Variants in HACD2 observed in about 807,000 individuals in gnomAD.
HACD2 encodes 3-hydroxyacyl-CoA dehydratase 2, also known as very-long-chain (3R)-3-hydroxyacyl-CoA dehydratase 2.
Under a neutral mutation model 31.0 loss-of-function variants are expected in HACD2, and 15 were observed. The observed-to-expected ratio is 0.48, with a 90% CI of 0.32 to 0.75. The LOEUF is 0.75. Among genes scored for constraint, HACD2 ranks in the 30% least tolerant of loss-of-function variants. The pLI is 0.03. For missense variants in HACD2, 283 were observed against 313.0 expected (o/e 0.90, Z 0.72); for synonymous variants, 115 against 122.2 (o/e 0.94, Z 0.39).
intron 3 of HACD2, among the ~76,000 whole-genome samples, chr3:123,542,231 G>T (rs1328066334): frequency 6.0e-5 from 9 of 150,228 alleles, no homozygotes; most frequent in Non-Finnish European, 4.4e-5. Flanking sequence ...ATGAGCAAAG[G>T]GCATAAATAG....
chr3:123,563,364 C>T (rs1000917206), intron 3 of HACD2, among the ~76,000 whole-genome samples: 2 of 152,090 alleles, frequency 1.3e-5, no homozygotes, highest in African/African-American at 4.8e-5. Flanking sequence ...CTGGGCACAG[C>T]GCAGATGAGC....
intron 4 of HACD2, among the ~76,000 whole-genome samples, chr3:123,511,506 A>G (rs918129022): frequency 5.3e-5 from 8 of 152,332 alleles, no homozygotes; most frequent in Non-Finnish European, 1.0e-4. Flanking sequence ...TAGTCCTCCA[A>G]TAAATGTTGC....
At chr3:123,577,149 T>C (rs1348385612) in intron 2 of HACD2, among the ~76,000 whole-genome samples, 1 of 152,124 alleles carries the variant, frequency 6.6e-6, no homozygotes, top group South Asian at 2.1e-4. Context: ...AAAAGGGAAT[T>C]CCTGTGGTCC....
At chr3:123,526,696 T>C (rs1372224007) in intron 4 of HACD2, among the ~76,000 whole-genome samples, 1 of 152,190 alleles carries the variant, frequency 6.6e-6, no homozygotes, top group Non-Finnish European at 1.5e-5. Context: ...CTGTTATATG[T>C]TAAGTCCTTT....
At chr3:123,524,721 G>C (rs1414230837) in intron 4 of HACD2, among the ~76,000 whole-genome samples, 1 of 152,018 alleles carries the variant, frequency 6.6e-6, no homozygotes, top group Non-Finnish European at 1.5e-5. Flanking sequence ...GCCCCAGCTG[G>C]TGTTGAACTC....
intron 4 of HACD2, among the ~76,000 whole-genome samples, chr3:123,509,556 T>G (rs1576734748): frequency 6.7e-6 from 1 of 149,174 alleles, no homozygotes. Context: ...TGGAGTGCAG[T>G]GGCGTGATCT....
At chr3:123,535,383 T>C (rs574685018) in intron 3 of HACD2, among the ~76,000 whole-genome samples, 6 of 152,272 alleles carry the variant, frequency 3.9e-5, no homozygotes, top group African/African-American at 1.4e-4. Flanking sequence ...AGAATCTCCC[T>C]AACCAAATAC....
In HACD2 at chr3:123,506,075, C is replaced by T. The variant is rs190886356; in HGVS notation, c.382-3394G>A. 1.0e-3 allele frequency among the ~76,000 whole-genome samples: 152 copies of T among 152,342 alleles called. 1 individual carries two copies. Among genetic ancestry groups the T allele is most frequent in the Non-Finnish European group, 1.8e-3 (120 of 68,034 alleles). ...ATCCCTCCACAGGCAAGGCGTGAAA[C>T]GCTGGCTAATACTGACTTCCTTGCA... On this transcript the variant is annotated intron_variant, in intron 4 of 6. Coordinates refer to ENST00000383657, the MANE Select transcript of HACD2 (RefSeq NM_198402.5).
chr3:123,499,748 G>A lies in HACD2; in HGVS notation c.682+767C>T, dbSNP rs557273314. The A allele has an allele frequency of 3.9e-5, 16 of 410,544 alleles. No individual in the cohort carries two copies. In the East Asian group the frequency reaches 5.7e-4, roughly 15 times the overall value. The allele number at this position is 410,544 out of a possible 1,614,324, so 25.4% of individuals were successfully genotyped here. A position where few individuals can be genotyped will look rare whatever the true frequency, so the allele number is the denominator to read the frequency against. On this transcript the variant is annotated intron_variant, in intron 6 of 6. Coordinates refer to ENST00000383657, the MANE Select transcript of HACD2 (RefSeq NM_198402.5). Reference sequence around the variant, plus strand: ...AGAAGAACCACTAACACTGTATGTCGTTGGTTATAAGAAGATCTTTTGGTA... The same window carrying A: ...AGAAGAACCACTAACACTGTATGTCATTGGTTATAAGAAGATCTTTTGGTA...
chr3:123,570,917 T>TACAC (rs149856963), intron 2 of HACD2, among the ~76,000 whole-genome samples: 2,634 of 144,842 alleles, frequency 0.018, 79 homozygotes, highest in African/African-American at 0.061. Flanking sequence ...TTCATACCAT[T>TACAC]ACACACACAC....
At chr3:123,559,917 G>A (rs1442510876) in intron 3 of HACD2, among the ~76,000 whole-genome samples, 1 of 152,118 alleles carries the variant, frequency 6.6e-6, no homozygotes, top group Non-Finnish European at 1.5e-5. Flanking sequence ...TGTATACCTG[G>A]GTAAGTCTTC....
chr3:123,498,403 C>G (rs1479000305), intron 6 of HACD2, among the ~76,000 whole-genome samples: 3 of 152,192 alleles, frequency 2.0e-5, no homozygotes, highest in South Asian at 2.1e-4. Flanking sequence ...TCCTTCCCTA[C>G]TCTCTGAAAG....
rs897571177 is a variant in HACD2, at chr3:123,494,276, G to A, written c.*612C>T. 1.3e-5 allele frequency: 2 copies of A among 152,786 alleles called. No individual in the cohort carries two copies. The highest frequency in any genetic ancestry group is 4.8e-5 in the African/African-American group (2 of 41,450). 9.5% of individuals were successfully genotyped at this position (152,786 alleles called of 1,614,324 possible). ...ATGACTCAATTGGAAACAAACAAAA[G>A]GGTTCTAAGTTGTTTTCTGATTACA... On this transcript the variant is annotated 3_prime_UTR_variant, in exon 7 of 7. Transcript: ENST00000383657.
intron 4 of HACD2, among the ~76,000 whole-genome samples, chr3:123,510,963 T>G (rs183845716): frequency 0.011 from 1,684 of 151,742 alleles, 27 homozygotes; most frequent in African/African-American, 0.037. Flanking sequence ...TTGTTTTTTT[T>G]TTTAAATAAT....
chr3:123,500,886 A>T (rs1015947127), intron 5 of HACD2, among the ~76,000 whole-genome samples, 193 bp from the exon 6 acceptor site: 1 of 152,234 alleles, frequency 6.6e-6, no homozygotes, highest in Non-Finnish European at 1.5e-5. Context: ...TATGTTTCCA[A>T]ATGTTCTAAC....
intron 4 of HACD2, among the ~76,000 whole-genome samples, chr3:123,512,494 G>C (rs1486236433): frequency 6.6e-6 from 1 of 152,132 alleles, no homozygotes; most frequent in South Asian, 2.1e-4. Context: ...GACATGGAAA[G>C]GTGAGGGAAG....
At chr3:123,539,298 G>C (rs1023137587) in intron 3 of HACD2, among the ~76,000 whole-genome samples, 1 of 152,112 alleles carries the variant, frequency 6.6e-6, no homozygotes, top group South Asian at 2.1e-4. Context: ...GGGCCGGCTT[G>C]GTGATTCACG....
intron 4 of HACD2, among the ~76,000 whole-genome samples, chr3:123,503,452 G>A (rs1349362723): frequency 6.6e-6 from 1 of 152,070 alleles, no homozygotes; most frequent in Non-Finnish European, 1.5e-5. Context: ...GTTCCCAGGA[G>A]GCAGTTAGAG....
chr3:123,576,841 A>C (rs1004112413), intron 2 of HACD2, among the ~76,000 whole-genome samples: 1 of 152,226 alleles, frequency 6.6e-6, no homozygotes, highest in Non-Finnish European at 1.5e-5. Flanking sequence ...AGGACACTGC[A>C]AGTTTCTAAG....
Sources: gnomAD v4.1 joint callset for allele counts (sites outside exome capture counted in the v4.1 genomes callset) on GRCh38, gnomAD v4.1.1 for gene constraint, MANE v1.5 for transcripts, NCBI Gene and HGNC (gene_info 2026-07-23, HGNC 2026-07-21) for gene names.